The following TXNDC9 variants were observed in gnomAD, a reference collection of about 807,000 sequenced individuals.
TXNDC9 encodes thioredoxin domain containing 9.
A neutral mutation model predicts 23.0 loss-of-function variants in TXNDC9; 7 were observed. The ratio of observed to expected loss-of-function variants is 0.30; its 90% CI spans 0.17 to 0.57. The LOEUF (loss-of-function observed/expected upper bound fraction) is 0.57, where lower values mean the gene tolerates loss of function less well. Ranked by LOEUF, TXNDC9 falls within the 20% of genes least tolerant of loss-of-function variation. The pLI, the probability that TXNDC9 is intolerant of heterozygous loss-of-function variation, is 0.90. For synonymous variants in TXNDC9, 72 were observed against 90.6 expected (o/e 0.79, Z 1.17); for missense variants, 198 against 252.6 (o/e 0.78, Z 1.47).
At chr2:99,308,330 G>C in the TXNDC9 span, among the ~76,000 whole-genome samples, 1 of 152,090 alleles carries the variant, frequency 6.6e-6, no homozygotes, top group African/African-American at 2.4e-5. Context: ...TCAGTGAATA[G>C]GTATTTTCAC....
At position 99,333,147 on chromosome 2, in the gene TXNDC9, T is replaced by C; in HGVS notation, c.64A>G (p.Thr22Ala). The C allele has an allele frequency of 6.2e-7, 1 of 1,614,194 alleles. No homozygotes were observed. Among genetic ancestry groups the C allele is most frequent in the Non-Finnish European group, 8.5e-7 (1 of 1,180,026 alleles). Reference protein sequence around the residue: ...KVLEHQLLQTTKLVEEHLDSE... With the variant: ...KVLEHQLLQTAKLVEEHLDSE... Reference sequence around the variant, plus strand: ...TCCAAATGTTCTTCCACCAGTTTGGTAGTCTGAAGCAGCTGATGCTCCAGG... The same window carrying C: ...TCCAAATGTTCTTCCACCAGTTTGGCAGTCTGAAGCAGCTGATGCTCCAGG... The change falls in exon 2 of 5, where the codon ACC (threonine) becomes GCC (alanine). Residue 22 changes from threonine to alanine, a missense_variant. Coordinates refer to ENST00000264255, the MANE Select transcript of TXNDC9 (RefSeq NM_005783.4).
At chr2:99,332,705 A>G (rs2094228932) in intron 2 of TXNDC9, 1 of 246,136 alleles carries the variant, frequency 4.1e-6, no homozygotes, top group Admixed American at 5.4e-5. Flanking sequence ...AAAATAGCTA[A>G]ATCGGCTTTA....
chr2:99,334,775 C>T (rs2105327732), intron 1 of TXNDC9, among the ~76,000 whole-genome samples: 1 of 152,236 alleles, frequency 6.6e-6, no homozygotes, highest in African/African-American at 2.4e-5. Flanking sequence ...TGCAGTGGCG[C>T]ATCTCCGCTC....
At chr2:99,336,160 G>A in intron 1 of TXNDC9, 79 bp downstream of exon 1, 13 of 978,708 alleles carry the variant, frequency 1.3e-5, no homozygotes, top group Non-Finnish European at 1.6e-5. Flanking sequence ...CCCCTCCTCC[G>A]CTCCGGATGT....
intron 2 of TXNDC9, among the ~76,000 whole-genome samples, chr2:99,330,800 A>C (rs1294779352): frequency 6.6e-6 from 1 of 152,232 alleles, no homozygotes; most frequent in Non-Finnish European, 1.5e-5. Context: ...ATTACTGCAT[A>C]ATCTAATTAC....
intron 2 of TXNDC9, among the ~76,000 whole-genome samples, chr2:99,330,290 CAAAAAAAAAA>C (rs528602849): frequency 4.3e-4 from 12 of 28,160 alleles, no homozygotes; most frequent in East Asian, 1.2e-3. Flanking sequence ...ACTCTTATCT[CAAAAAAAAAA>C]AAAAAAAAAA....
Position 99,319,457 on chromosome 2 carries a change from G to A in TXNDC9, c.*225C>T, listed in dbSNP as rs1318311954. 2.6e-6 allele frequency: 1 copy of A among 379,232 alleles called. No individual in the cohort carries two copies. The highest frequency in any genetic ancestry group is 4.6e-6 in the Non-Finnish European group (1 of 215,058). The allele number at this position is 379,232 out of a possible 1,614,324, so 23.5% of individuals were successfully genotyped here. ...TGTGATAAAGTCAATCTCAAAAATA[G>A]AGAATCCAGACCCTTCCCAGATAAT... On this transcript the variant is annotated 3_prime_UTR_variant, in exon 5 of 5. Transcript: ENST00000264255.
intron 3 of TXNDC9, among the ~76,000 whole-genome samples, chr2:99,323,493 T>G (rs1356938157): frequency 2.0e-5 from 3 of 152,310 alleles, no homozygotes; most frequent in Admixed American, 2.0e-4. Context: ...CCCAACACTT[T>G]GGGAGGCTGA....
intron 1 of TXNDC9, among the ~76,000 whole-genome samples, chr2:99,335,753 G>A (rs1213763852): frequency 6.6e-6 from 1 of 152,226 alleles, no homozygotes; most frequent in East Asian, 1.9e-4. Context: ...ACTGGAAAAA[G>A]ACGAGATTAA....
Position 99,319,672 on chromosome 2 carries a change from T to C in TXNDC9, c.*10A>G. 1 of 1,536,394 alleles carries C rather than the reference T, an allele frequency of 6.5e-7. No homozygotes were observed. Among genetic ancestry groups the C allele is most frequent in the Non-Finnish European group, 8.8e-7 (1 of 1,131,838 alleles). On this transcript the variant is annotated 3_prime_UTR_variant, in exon 5 of 5. Coordinates refer to ENST00000264255, the MANE Select transcript of TXNDC9 (RefSeq NM_005783.4). ...AAAAAAAAAGACAATTTACAAAGAA[T>C]TATTGAGCTCTAATCATCATCAGAG...
intron 2 of TXNDC9, among the ~76,000 whole-genome samples, chr2:99,331,311 C>T (rs913611798): frequency 6.6e-6 from 1 of 151,964 alleles, no homozygotes. Context: ...TGGGGTGGCT[C>T]ACACCTGTAA....
At chr2:99,313,197 A>T in the TXNDC9 span, among the ~76,000 whole-genome samples, 1 of 151,078 alleles carries the variant, frequency 6.6e-6, no homozygotes, top group African/African-American at 2.4e-5. Flanking sequence ...AACAACAATA[A>T]AACAAACAAA....
At chr2:99,316,673 A>G (rs2094189652), downstream of TXNDC9, among the ~76,000 whole-genome samples, 1 of 152,162 alleles carries the variant, frequency 6.6e-6, no homozygotes, top group Non-Finnish European at 1.5e-5. Context: ...AACACAATCT[A>G]CTGTAGAGCT....
At chr2:99,310,799 A>G in the TXNDC9 span, among the ~76,000 whole-genome samples, 5 of 152,150 alleles carry the variant, frequency 3.3e-5, no homozygotes, top group South Asian at 1.0e-3. Flanking sequence ...ATAAACTTAC[A>G]TTGTTTTAAG....
intron 3 of TXNDC9, 58 bp downstream of exon 3, chr2:99,327,477 C>T: frequency 7.9e-7 from 1 of 1,267,176 alleles, no homozygotes; most frequent in East Asian, 2.3e-5. Context: ...CAGTATATCT[C>T]CAGCCAAACA....
chr2:99,319,854 A>C, intron 4 of TXNDC9, 55 bp from the exon 5 acceptor site: 2 of 1,069,686 alleles, frequency 1.9e-6, no homozygotes, highest in Admixed American at 5.2e-5. Flanking sequence ...AGTATACTAA[A>C]CTGCACAAAA....
chr2:99,314,064 G>T (rs907141486), downstream of TXNDC9, among the ~76,000 whole-genome samples: 6 of 152,092 alleles, frequency 3.9e-5, no homozygotes, highest in Admixed American at 2.6e-4. Flanking sequence ...AAAGTTTTTG[G>T]TTTTTGGTAA....
chr2:99,333,967 C>T (rs562290590), intron 1 of TXNDC9, among the ~76,000 whole-genome samples: 2 of 152,310 alleles, frequency 1.3e-5, no homozygotes, highest in South Asian at 2.1e-4. Flanking sequence ...CAACATCACT[C>T]CTCTGTGTAA....
intron 2 of TXNDC9, among the ~76,000 whole-genome samples, chr2:99,332,368 G>A (rs552903679): frequency 7.9e-5 from 12 of 152,262 alleles, no homozygotes; most frequent in African/African-American, 2.4e-4. Context: ...GCTTGAAGCC[G>A]GGAAGCGGAG....
Sources: gnomAD v4.1 joint callset for allele counts (sites outside exome capture counted in the v4.1 genomes callset) on GRCh38, gnomAD v4.1.1 for gene constraint, MANE v1.5 for transcripts, NCBI Gene and HGNC (gene_info 2026-07-23, HGNC 2026-07-21) for gene names.